CSNK1G2: variants seen among roughly 807,000 people sequenced by gnomAD.
The protein encoded by CSNK1G2 is casein kinase 1 gamma 2.
In CSNK1G2, 11 loss-of-function variants were observed where a neutral mutation model predicts 48.0. The observed-to-expected ratio is 0.23, with a 90% CI of 0.14 to 0.38. CSNK1G2 has a LOEUF of 0.38. CSNK1G2 is among the 10% of genes least tolerant of loss of function. CSNK1G2 has a pLI of 1.00. For synonymous variants in CSNK1G2, 337 were observed against 254.1 expected (o/e 1.33, Z -3.10); for missense variants, 446 against 595.5 (o/e 0.75, Z 2.61).
At chr19:1,950,417 G>C (rs893279727) in intron 1 of CSNK1G2, among the ~76,000 whole-genome samples, 3 of 147,182 alleles carry the variant, frequency 2.0e-5, no homozygotes, top group Non-Finnish European at 3.0e-5. Flanking sequence ...GGGATTACAG[G>C]CGTGAGCCAC....
chr19:1,951,929 C>T (rs2014778716), intron 1 of CSNK1G2, among the ~76,000 whole-genome samples: 1 of 152,196 alleles, frequency 6.6e-6, no homozygotes, highest in African/African-American at 2.4e-5. Flanking sequence ...ATCCACCCGC[C>T]TCGGCCTTCC....
rs189334235 is a variant in CSNK1G2 at position 1,960,423 on chromosome 19, G to C, written c.-265-9085G>C. Among the ~76,000 whole-genome samples, 441 of 152,344 alleles carry C rather than the reference G, an allele frequency of 2.9e-3. 4 individuals are homozygous for C. The highest frequency in any genetic ancestry group is 5.2e-3 in the Admixed American group (79 of 15,296). ...GAGAAAGGCAGGCAGTGTGGCGCGAGCAGGCTGGCCTCAGGCGGGGCCTCT... is the reference window on the plus strand; with the variant it reads ...GAGAAAGGCAGGCAGTGTGGCGCGACCAGGCTGGCCTCAGGCGGGGCCTCT... On this transcript the variant is annotated intron_variant, in intron 1 of 11. Coordinates refer to ENST00000255641, the MANE Select transcript of CSNK1G2 (RefSeq NM_001319.7).
At chr19:1,941,712 C>G (rs900231243) in intron 1 of CSNK1G2, among the ~76,000 whole-genome samples, 1 of 150,162 alleles carries the variant, frequency 6.7e-6, no homozygotes, top group Non-Finnish European at 1.5e-5. Context: ...CCCACGCTGA[C>G]CTCCACACTC....
At chr19:1,980,116 C>G (rs1203778244) in intron 11 of CSNK1G2, 33 bp from the exon 12 acceptor site, 2 of 1,612,034 alleles carry the variant, frequency 1.2e-6, no homozygotes, top group South Asian at 1.1e-5. Flanking sequence ...CCCTGCACCC[C>G]GGTCCTCCTA....
rs2015949262 is a variant in CSNK1G2 at position 1,980,488 on chromosome 19, G to A, written c.*285G>A. 2 of 487,532 alleles carry A rather than the reference G, an allele frequency of 4.1e-6. No homozygotes were observed. The highest frequency in any genetic ancestry group is 2.2e-5 in the South Asian group (1 of 45,052). The allele number at this position is 487,532 out of a possible 1,614,324, so 30.2% of individuals were successfully genotyped here. A position where few individuals can be genotyped will look rare whatever the true frequency, so the allele number is the denominator to read the frequency against. On this transcript the variant is annotated 3_prime_UTR_variant, in exon 12 of 12. Transcript: ENST00000255641. ...AGGAAAAGAGGAAAAAAAAAACAGA[G>A]GCCCGCCCTACCCCACTCCTGCCCC...
intron 2 of CSNK1G2, among the ~76,000 whole-genome samples, chr19:1,970,478 C>T (rs1302004946): frequency 6.6e-6 from 1 of 152,256 alleles, no homozygotes; most frequent in African/African-American, 2.4e-5. Context: ...CTTCTGCTCA[C>T]ACCAACCTCT....
At chr19:1,971,999 G>T (rs1344329002) in intron 2 of CSNK1G2, among the ~76,000 whole-genome samples, 1 of 152,158 alleles carries the variant, frequency 6.6e-6, no homozygotes, top group East Asian at 1.9e-4. Flanking sequence ...TTGATCTCCT[G>T]ACCTTGTGAT....
chr19:1,962,343 A>C (rs957205579), intron 1 of CSNK1G2, among the ~76,000 whole-genome samples: 4 of 151,324 alleles, frequency 2.6e-5, no homozygotes, highest in Non-Finnish European at 4.4e-5. Flanking sequence ...ACAACAACAA[A>C]AAAAGCACAC....
At chr19:1,962,873 C>T (rs975738005) in intron 1 of CSNK1G2, among the ~76,000 whole-genome samples, 1 of 152,164 alleles carries the variant, frequency 6.6e-6, no homozygotes, top group Non-Finnish European at 1.5e-5. Context: ...ACGCAGAAGC[C>T]CGTGCGCAGA....
At chr19:1,946,961 C>G (rs1018924701) in intron 1 of CSNK1G2, among the ~76,000 whole-genome samples, 1 of 152,030 alleles carries the variant, frequency 6.6e-6, no homozygotes, top group African/African-American at 2.4e-5. Context: ...TCCATGTTGG[C>G]CAAGCTGGTC....
intron 2 of CSNK1G2, among the ~76,000 whole-genome samples, chr19:1,973,287 G>A (rs995519395): frequency 4.6e-5 from 7 of 151,518 alleles, no homozygotes; most frequent in East Asian, 2.0e-4. Context: ...GCAGTGGCGC[G>A]ATCTCGGCTC....
At chr19:1,958,393 C>T (rs2015070743) in intron 1 of CSNK1G2, among the ~76,000 whole-genome samples, 1 of 151,926 alleles carries the variant, frequency 6.6e-6, no homozygotes, top group African/African-American at 2.4e-5. Context: ...GGAGAGCTGC[C>T]CGGCTCCTGC....
intron 1 of CSNK1G2, among the ~76,000 whole-genome samples, chr19:1,961,668 G>T: frequency 6.6e-6 from 1 of 152,228 alleles, no homozygotes; most frequent in East Asian, 1.9e-4. Context: ...GGTGGGGGGT[G>T]GGGGACTACG....
chr19:1,948,691 G>T (rs1447147399), intron 1 of CSNK1G2, among the ~76,000 whole-genome samples: 1 of 152,152 alleles, frequency 6.6e-6, no homozygotes, highest in Non-Finnish European at 1.5e-5. Context: ...CACGCAAGTG[G>T]TTTTTGTACA....
chr19:1,957,453 C>T lies in CSNK1G2; in HGVS notation c.-265-12055C>T, dbSNP rs935909847. Among the ~76,000 whole-genome samples, 5 of 152,172 alleles carry T rather than the reference C, an allele frequency of 3.3e-5. No individual in the cohort carries two copies. The highest frequency in any genetic ancestry group is 1.3e-4 in the Admixed American group (2 of 15,276). ...TGGGAGAGAAGGGGGCTGCCCCGAG[C>T]GGCTTGGGTGGCCGGGCCTGTGGGA... is the stretch of plus-strand genomic sequence containing the variant. On this transcript the variant is annotated intron_variant, in intron 1 of 11. Transcript: ENST00000255641. This position sits in a 1 kb window ranked among gnomAD's most constrained non-coding sequence, Gnocchi z 5.4.
intron 1 of CSNK1G2, among the ~76,000 whole-genome samples, chr19:1,951,225 CCT>C (rs2014750730): frequency 6.9e-6 from 1 of 144,540 alleles, no homozygotes; most frequent in Non-Finnish European, 1.5e-5. Context: ...ACTAAAATAC[CCT>C]GTCTCTACTA....
intron 1 of CSNK1G2, among the ~76,000 whole-genome samples, chr19:1,942,066 G>T (rs1043080230): frequency 2.0e-5 from 3 of 152,208 alleles, no homozygotes; most frequent in East Asian, 1.9e-4. Flanking sequence ...GGGGTGGTGG[G>T]GGGGAGGAAG....
At chr19:1,954,958 A>G (rs2014931046) in intron 1 of CSNK1G2, among the ~76,000 whole-genome samples, 1 of 152,068 alleles carries the variant, frequency 6.6e-6, no homozygotes, top group Non-Finnish European at 1.5e-5. Flanking sequence ...CCCTCAGGCA[A>G]CAGGGCAGGC....
At chr19:1,959,521 A>G (rs1182328416) in intron 1 of CSNK1G2, among the ~76,000 whole-genome samples, 31 of 102,594 alleles carry the variant, frequency 3.0e-4, no homozygotes, top group African/African-American at 7.4e-4. Context: ...CACCTTTAGT[A>G]CCACCCTGAG....
Sources: allele counts gnomAD v4.1 joint callset (sites outside exome capture counted in the v4.1 genomes callset), GRCh38; gene constraint gnomAD v4.1.1; non-coding constraint Gnocchi (gnomAD v3.1); transcripts MANE v1.5; gene names NCBI Gene and HGNC (gene_info 2026-07-23, HGNC 2026-07-21).